The following RACGAP1 variants were observed in gnomAD, a reference collection of about 807,000 sequenced individuals.
RACGAP1 encodes rac GTPase-activating protein 1.
A neutral mutation model predicts 78.1 loss-of-function variants in RACGAP1; 30 were observed. The observed-to-expected ratio is 0.38, with a 90% CI of 0.29 to 0.52. RACGAP1 has a LOEUF of 0.52. RACGAP1 is among the 20% of genes least tolerant of loss of function. RACGAP1 has a pLI of 0.82. For missense variants in RACGAP1, 587 were observed against 777.1 expected, an observed-to-expected ratio of 0.76 and a Z score of 2.91; for synonymous variants, 231 against 264.8, an observed-to-expected ratio of 0.87 and a Z score of 1.24.
intron 16 of RACGAP1, 55 bp from the exon 17 acceptor site, chr12:49,990,398 A>T: frequency 6.9e-7 from 1 of 1,439,570 alleles, no homozygotes; most frequent in Non-Finnish European, 9.8e-7. Context: ...TGGTTGAATA[A>T]ACAACTATAA....
At chr12:50,026,524 A>G (rs184966755), upstream of RACGAP1, among the ~76,000 whole-genome samples, 397 of 152,278 alleles carry the variant, frequency 2.6e-3, 3 homozygotes, top group African/African-American at 9.2e-3. Flanking sequence ...TAGATCTTAA[A>G]TGCTCTCACC....
intron 10 of RACGAP1, among the ~76,000 whole-genome samples, chr12:49,995,154 GC>G (rs1234563127): frequency 6.6e-6 from 1 of 152,114 alleles, no homozygotes; most frequent in Non-Finnish European, 1.5e-5. Context: ...TTCGAGACCT[GC>G]CTGACTAACA....
chr12:50,006,594 T>A lies in RACGAP1; in HGVS notation c.128A>T (p.Lys43Met). 1 of 1,614,176 alleles carries A rather than the reference T, an allele frequency of 6.2e-7. No homozygotes were observed. The highest frequency in any genetic ancestry group is 1.1e-5 in the South Asian group (1 of 91,088). ...LAKDFEDFRK[K>M]WQRTDHELGK... ...CAGCTCATGGTCAGTCCTCTGCCACTTTTTACGGAAATCCTCAAAGTCCTT... is the reference window on the plus strand; with the variant it reads ...CAGCTCATGGTCAGTCCTCTGCCACATTTTACGGAAATCCTCAAAGTCCTT... The change falls in exon 3 of 17, where the codon AAG becomes ATG. Residue 43 changes from lysine to methionine, a missense_variant. Physicochemically the swap from Lys to Met is moderately conservative, Grantham distance 95. Coordinates refer to ENST00000312377, the MANE Select transcript of RACGAP1 (RefSeq NM_001319999.2).
intron 1 of RACGAP1, among the ~76,000 whole-genome samples, chr12:50,023,195 T>G (rs963612857): frequency 1.3e-5 from 2 of 152,238 alleles, no homozygotes; most frequent in African/African-American, 4.8e-5. Flanking sequence ...ACTGTTTTCC[T>G]TAGACTAGAT....
intron 10 of RACGAP1, among the ~76,000 whole-genome samples, chr12:49,996,659 A>AAAAAAAAAAAAAAAAAAAG (rs1948299059): frequency 1.5e-5 from 2 of 136,548 alleles, no homozygotes; most frequent in Non-Finnish European, 3.1e-5. Context: ...AAAAAAAAAA[A>AAAAAAAAAAAAAAAAAAAG]AAAAAAAAAT....
upstream of RACGAP1, among the ~76,000 whole-genome samples, chr12:50,026,855 T>C (rs1017616332): frequency 6.6e-6 from 1 of 152,096 alleles, no homozygotes; most frequent in African/African-American, 2.4e-5. Context: ...TGTTTGTTTA[T>C]CTTTTGTAGA....
chr12:49,999,496 C>A, intron 8 of RACGAP1, 120 bp downstream of exon 8: 1 of 992,500 alleles, frequency 1.0e-6, no homozygotes. Context: ...CCTCGGTATG[C>A]AGCAGTAAGA....
At chr12:50,018,015 G>C (rs1294465401) in intron 1 of RACGAP1, among the ~76,000 whole-genome samples, 1 of 152,002 alleles carries the variant, frequency 6.6e-6, no homozygotes, top group Non-Finnish European at 1.5e-5. Flanking sequence ...AAAATTAGCT[G>C]GGCACAGTTA....
At chr12:50,005,535 T>C (rs980395776) in intron 3 of RACGAP1, 143 bp from the exon 4 acceptor site, 7 of 866,604 alleles carry the variant, frequency 8.1e-6, no homozygotes, top group East Asian at 2.7e-5. Flanking sequence ...ACCAATAGCA[T>C]ATTAATTCAC....
chr12:50,006,542 T>C lies in RACGAP1; in HGVS notation c.180A>G (p.Lys60=), dbSNP rs1274240642. ...ELGKYKDLLM[K]AETERSALDV... The stretch of plus-strand genomic sequence containing the variant: ...CCAGAGCACTTCGCTCAGTCTCTGC[T>C]TTCATCAAAAGATCCTTGTATTTCC... Residue 60 remains lysine (K), a synonymous_variant, in exon 3 of 17, where the codon AAA becomes AAG. Transcript: ENST00000312377. 6.2e-7 allele frequency: 1 copy of C among 1,614,186 alleles called. No homozygotes were observed. Among genetic ancestry groups the C allele is most frequent in the South Asian group, 1.1e-5 (1 of 91,080 alleles).
At chr12:50,024,358 T>C (rs1270433005) in intron 1 of RACGAP1, among the ~76,000 whole-genome samples, 1 of 152,174 alleles carries the variant, frequency 6.6e-6, no homozygotes, top group East Asian at 1.9e-4. Flanking sequence ...TCACGTCTTT[T>C]GCAGCAACAT....
chr12:50,000,456 G>A (rs908706384), intron 7 of RACGAP1, among the ~76,000 whole-genome samples: 14 of 151,926 alleles, frequency 9.2e-5, no homozygotes, highest in African/African-American at 3.4e-4. Context: ...CGCCTGACCT[G>A]AAACATTCTT....
At position 49,994,481 on chromosome 12, in the gene RACGAP1, G is replaced by A. The variant is rs1264055600; in HGVS notation, c.1073C>T (p.Thr358Ile). 1.9e-6 allele frequency: 3 copies of A among 1,613,660 alleles called. No homozygotes were observed. Among genetic ancestry groups the A allele is most frequent in the South Asian group, 2.2e-5 (2 of 90,972 alleles). Residue 358 changes from threonine to isoleucine, a missense_variant, in exon 11 of 17, where the codon ACT becomes ATT. Coordinates refer to ENST00000312377, the MANE Select transcript of RACGAP1 (RefSeq NM_001319999.2). The stretch of plus-strand genomic sequence containing the variant: ...AACAATGGAGGGGATCATTGGAGAA[G>A]TCTGGGACACAAAGTCTGCCAGCAT... ...EGMLADFVSQ[T>I]SPMIPSIVVH...
At chr12:50,031,739 G>C in exon 2 of RACGAP1, 1 of 985,376 alleles carries the variant, frequency 1.0e-6, no homozygotes, top group Non-Finnish European at 1.2e-6. Context: ...CTGGGTCCGT[G>C]CCTTTGGCAT....
chr12:50,000,279 C>T (rs554087359), intron 7 of RACGAP1, among the ~76,000 whole-genome samples: 1 of 152,144 alleles, frequency 6.6e-6, no homozygotes, highest in Non-Finnish European at 1.5e-5. Context: ...TCCCAAAGTG[C>T]TAGGATTACA....
At chr12:49,999,571 G>T in intron 8 of RACGAP1, 45 bp downstream of exon 8, 3 of 1,527,976 alleles carry the variant, frequency 2.0e-6, no homozygotes, top group Non-Finnish European at 2.7e-6. Flanking sequence ...CCAAAATTTT[G>T]CTAGTTGTTT....
chr12:50,008,046 T>C (rs893675072), intron 2 of RACGAP1, among the ~76,000 whole-genome samples: 2 of 151,690 alleles, frequency 1.3e-5, no homozygotes, highest in Admixed American at 6.6e-5. Flanking sequence ...TGCTGGTTTG[T>C]TTGTTCTTTA....
chr12:50,024,645 C>T (rs956444805), intron 1 of RACGAP1, among the ~76,000 whole-genome samples: 25 of 151,970 alleles, frequency 1.6e-4, no homozygotes, highest in African/African-American at 5.6e-4. Context: ...CTTGTACCCC[C>T]TAAATATACA....
At chr12:50,021,136 A>AT (rs1191122726) in intron 1 of RACGAP1, 4 of 980,798 alleles carry the variant, frequency 4.1e-6, no homozygotes, top group Non-Finnish European at 4.8e-6. Flanking sequence ...ATACTTGTTT[A>AT]TTTCCCCCCA....
Sources: gnomAD v4.1 joint callset for allele counts (sites outside exome capture counted in the v4.1 genomes callset) on GRCh38, gnomAD v4.1.1 for gene constraint, MANE v1.5 for transcripts, NCBI Gene and HGNC (gene_info 2026-07-23, HGNC 2026-07-21) for gene names.